ATR: variants seen among roughly 807,000 people sequenced by gnomAD.
The protein encoded by ATR is ATR checkpoint kinase.
In ATR, 142 loss-of-function variants were observed where a neutral mutation model predicts 305.3. The ratio of observed to expected loss-of-function variants is 0.47; its 90% CI spans 0.41 to 0.53. ATR has a LOEUF of 0.53. Ranked by LOEUF, ATR falls within the 20% of genes least tolerant of loss-of-function variation. The pLI, the probability that ATR is intolerant of heterozygous loss-of-function variation, is 0.00. For missense variants in ATR, 2,135 were observed against 3,133.1 expected, an observed-to-expected ratio of 0.68 and a Z score of 7.60; for synonymous variants, 1,050 against 1,068.1, an observed-to-expected ratio of 0.98 and a Z score of 0.33.
At position 142,493,171 on chromosome 3, in the gene ATR, T is replaced by G. The variant is rs1202255374; in HGVS notation, c.6039A>C (p.Thr2013=). 2 of 1,613,570 alleles carry G rather than the reference T, an allele frequency of 1.2e-6. No individual in the cohort carries two copies. Among genetic ancestry groups the G allele is most frequent in the Admixed American group, 3.3e-5 (2 of 59,980 alleles). ...MLLVGRFMEE[T]ANFESNAIMK... is the part of the protein sequence containing the mutation. ...TAATTGCATTGCTTTCAAAGTTAGC[T>G]GTTTCTTCCATAAATCGGCCCACTA... Residue 2013 remains threonine, a synonymous_variant, in exon 35 of 47, where the codon ACA becomes ACC. Transcript: ENST00000350721.
At chr3:142,490,757 T>C (rs2031229909) in intron 35 of ATR, among the ~76,000 whole-genome samples, 1 of 152,208 alleles carries the variant, frequency 6.6e-6, no homozygotes, top group African/African-American at 2.4e-5. Flanking sequence ...TTTCTGCTTG[T>C]AAATGGTATG....
chr3:142,490,617 T>G (rs2031220452), intron 35 of ATR, among the ~76,000 whole-genome samples: 1 of 152,214 alleles, frequency 6.6e-6, no homozygotes, highest in Non-Finnish European at 1.5e-5. Flanking sequence ...TTTTTTCATC[T>G]AAAAATTCAT....
At chr3:142,578,387 T>C (rs2035508586) in intron 1 of ATR, among the ~76,000 whole-genome samples, 1 of 151,694 alleles carries the variant, frequency 6.6e-6, no homozygotes, top group African/African-American at 2.4e-5. Context: ...TCGATCGGGG[T>C]GAGTGGTAAA....
At chr3:142,541,062 A>T in intron 17 of ATR, 28 bp from the exon 18 acceptor site, 1 of 1,612,716 alleles carries the variant, frequency 6.2e-7, no homozygotes, top group Non-Finnish European at 8.5e-7. Flanking sequence ...GCTTCAGAGT[A>T]AAGCTTATAA....
In ATR at chr3:142,538,581, C is replaced by T. The variant is rs894127223; in HGVS notation, c.3626G>A (p.Gly1209Asp). ...TACTATTACATGACTGAGAAGGGAG[C>T]CCAGACAAGCATGATCCAGGCAGCG... ...FVRCLDHACL[G>D]SLLSHVIVAL... The change falls in exon 19 of 47, where the codon GGC (glycine) becomes GAC (aspartate). Residue 1209 changes from glycine (G) to aspartate (D), a missense_variant. This residue lies in a region of ATR where 530 missense variants were observed against 766.8 expected (regional missense o/e 0.69). Coordinates refer to ENST00000350721, the MANE Select transcript of ATR (RefSeq NM_001184.4). The T allele has an allele frequency of 6.2e-7, 1 of 1,613,426 alleles. No homozygotes were observed. Among genetic ancestry groups the T allele is most frequent in the South Asian group, 1.1e-5 (1 of 91,056 alleles).
rs769552527 is a variant in ATR at position 142,503,379 on chromosome 3, A to G, written c.5271T>C (p.Asn1757=). 1.8e-5 allele frequency: 29 copies of G among 1,606,528 alleles called. No homozygotes were observed. The Middle Eastern group carries it at 5.0e-4, about 27-fold the overall frequency. Residue 1757 remains asparagine (N), a synonymous_variant, in exon 30 of 47, where the codon AAT becomes AAC. Transcript: ENST00000350721. ...AATATTACCTGTTAGCATGCACTCC[A>G]TTCACCTGAGTGATAACAGTAGACA... ...GQLSTVITQV[N]GVHANRSEWT...
At chr3:142,561,631 CCTT>C (rs1383945339) in intron 4 of ATR, among the ~76,000 whole-genome samples, 1 of 152,014 alleles carries the variant, frequency 6.6e-6, no homozygotes, top group Non-Finnish European at 1.5e-5. Flanking sequence ...TTAAACAAAT[CCTT>C]CTCTCTACAT....
At chr3:142,554,457 A>G (rs2034590961) in intron 10 of ATR, among the ~76,000 whole-genome samples, 2 of 152,152 alleles carry the variant, frequency 1.3e-5, no homozygotes, top group South Asian at 2.1e-4. Flanking sequence ...CGAACACCTG[A>G]GCTCAGGCAA....
rs759789981 is a variant in ATR, at chr3:142,538,550, C to T, written c.3657G>A (p.Leu1219=). 6.2e-7 allele frequency: 1 copy of T among 1,613,466 alleles called. No homozygotes were observed. Among genetic ancestry groups the T allele is most frequent in the Non-Finnish European group, 8.5e-7 (1 of 1,179,620 alleles). ...TAGGCTGGATGTGTATAAGAGGTAA[C>T]AAAGCTACTATTACATGACTGAGAA... The part of the protein sequence containing the change: ...GSLLSHVIVA[L]LPLIHIQPKE... Residue 1219 remains leucine, a synonymous_variant, in exon 19 of 47, where the codon TTG becomes TTA. Coordinates refer to ENST00000350721, the MANE Select transcript of ATR (RefSeq NM_001184.4).
intron 1 of ATR, among the ~76,000 whole-genome samples, chr3:142,574,406 G>A (rs1220015689): frequency 6.8e-6 from 1 of 147,366 alleles, no homozygotes; most frequent in African/African-American, 2.5e-5. Context: ...AGGTTGCAGT[G>A]AGACATGTTC....
At chr3:142,519,460 C>T (rs866331904) in intron 24 of ATR, among the ~76,000 whole-genome samples, 4 of 152,062 alleles carry the variant, frequency 2.6e-5, no homozygotes, top group Admixed American at 1.3e-4. Flanking sequence ...CACCACCACG[C>T]CCGGCTAATT....
At position 142,513,897 on chromosome 3, in the gene ATR, A is replaced by C. The variant is rs76707259; in HGVS notation, c.4504-259T>G. On this transcript the variant is annotated intron_variant, in intron 25 of 46. Transcript: ENST00000350721. Reference sequence around the variant, plus strand: ...ATACAAAGCCAAAAAACAAAAAAAAACCCATAATATTCCAGAGCTGAAAAT... The same window carrying C: ...ATACAAAGCCAAAAAACAAAAAAAACCCCATAATATTCCAGAGCTGAAAAT... Among the ~76,000 whole-genome samples the C allele has an allele frequency of 0.026, 3,959 of 152,202 alleles. 63 individuals are homozygous for C. Among genetic ancestry groups the C allele is most frequent in the South Asian group, 0.058 (281 of 4,822 alleles).
At chr3:142,475,508 T>G (rs1447799724) in intron 36 of ATR, among the ~76,000 whole-genome samples, 1 of 152,232 alleles carries the variant, frequency 6.6e-6, no homozygotes, top group East Asian at 1.9e-4. Context: ...TGTTGGACAT[T>G]TGGGTTGGTT....
In ATR at chr3:142,558,761, T is replaced by C; in HGVS notation, c.1748A>G (p.Glu583Gly). The C allele has an allele frequency of 6.2e-7, 1 of 1,608,852 alleles. No homozygotes were observed. Among genetic ancestry groups the C allele is most frequent in the Admixed American group, 1.7e-5 (1 of 59,808 alleles). ...ACATAAATCTTCCAGGATATGATCT[T>C]CAAATGAACTGTTTACTACAGAAGC... is the stretch of plus-strand genomic sequence containing the variant. ...LIYMQVNSSF[E>G]DHILEDLCGM... Residue 583 changes from glutamate (E) to glycine (G), a missense_variant, in exon 8 of 47, where the codon GAA (glutamate) becomes GGA (glycine). Around this residue, in one of 9 missense-constraint regions of ATR, gnomAD observed 744 missense variants for 873.2 expected, o/e 0.85. Coordinates refer to ENST00000350721, the MANE Select transcript of ATR (RefSeq NM_001184.4).
intron 1 of ATR, among the ~76,000 whole-genome samples, chr3:142,571,203 C>T (rs546852222): frequency 3.2e-4 from 49 of 152,304 alleles, no homozygotes; most frequent in African/African-American, 1.2e-3. Context: ...CATGGTGGCT[C>T]ACGCCTGTAA....
At chr3:142,474,249 C>CAA (rs552372264) in intron 36 of ATR, among the ~76,000 whole-genome samples, 12 of 138,010 alleles carry the variant, frequency 8.7e-5, no homozygotes, top group African/African-American at 3.2e-4. Context: ...CAAAACAAAA[C>CAA]AAAAAAAAAA....
intron 38 of ATR, among the ~76,000 whole-genome samples, chr3:142,468,330 T>C (rs993351101): frequency 1.3e-5 from 2 of 152,076 alleles, no homozygotes; most frequent in African/African-American, 4.8e-5. Context: ...TCTAGATGTG[T>C]TACAATTGCA....
At chr3:142,532,172 C>T (rs568144808) in intron 21 of ATR, among the ~76,000 whole-genome samples, 3 of 152,212 alleles carry the variant, frequency 2.0e-5, no homozygotes, top group Non-Finnish European at 2.9e-5. Flanking sequence ...ATGCAGAAAT[C>T]ACCCATCTTC....
chr3:142,478,744 T>C (rs563426316), intron 36 of ATR, among the ~76,000 whole-genome samples: 1 of 152,302 alleles, frequency 6.6e-6, no homozygotes, highest in South Asian at 2.1e-4. Context: ...TGTGGGTCTC[T>C]TGGACTTGCT....
Sources: gnomAD v4.1 joint callset for allele counts (sites outside exome capture counted in the v4.1 genomes callset) on GRCh38, gnomAD v4.1.1 for gene constraint, gnomAD v4.1.1 regional missense constraint, MANE v1.5 for transcripts, NCBI Gene and HGNC (gene_info 2026-07-23, HGNC 2026-07-21) for gene names.